The following PTPRO variants were observed in gnomAD, a reference collection of about 807,000 sequenced individuals.
PTPRO encodes the protein protein tyrosine phosphatase receptor type O, also known as receptor-type tyrosine-protein phosphatase O.
Under a neutral mutation model 145.2 loss-of-function variants are expected in PTPRO, and 62 were observed. The ratio of observed to expected loss-of-function variants is 0.43; its 90% confidence interval spans 0.35 to 0.53. PTPRO has a LOEUF of 0.53. PTPRO is among the 20% of genes least tolerant of loss of function. PTPRO has a pLI of 0.01. For synonymous variants in PTPRO, 565 were observed against 514.7 expected (o/e 1.10, Z -1.32); for missense variants, 1,345 against 1,482.7 (o/e 0.91, Z 1.53).
chr12:15,586,819 G>T, intron 23 of PTPRO, 78 bp from the exon 24 acceptor site: 1 of 1,552,188 alleles, frequency 6.4e-7, no homozygotes. Flanking sequence ...CTTTTTGCAT[G>T]CTTAACTAGC....
intron 1 of PTPRO, among the ~76,000 whole-genome samples, chr12:15,460,663 A>G (rs908080096): frequency 6.6e-5 from 10 of 152,192 alleles, no homozygotes; most frequent in African/African-American, 2.4e-4. Context: ...AAAGAGAAAA[A>G]TAAGTTGATT....
At chr12:15,448,287 C>T (rs1317387910) in intron 1 of PTPRO, among the ~76,000 whole-genome samples, 1 of 126,048 alleles carries the variant, frequency 7.9e-6, no homozygotes, top group Non-Finnish European at 1.6e-5. Context: ...CAAAAGAATC[C>T]ACCTGGCATT....
chr12:15,511,477 G>T (rs1942438919), intron 7 of PTPRO, among the ~76,000 whole-genome samples: 1 of 152,202 alleles, frequency 6.6e-6, no homozygotes, highest in African/African-American at 2.4e-5. Flanking sequence ...TAAGTAATAT[G>T]ATGTATATGC....
intron 1 of PTPRO, among the ~76,000 whole-genome samples, chr12:15,382,159 A>AAT (rs144742152): frequency 0.056 from 8,168 of 145,676 alleles, 560 homozygotes; most frequent in African/African-American, 0.17. Context: ...AAAAGTGAGA[A>AAT]ATATATATAT....
At chr12:15,370,712 T>G (rs1027587245) in intron 1 of PTPRO, among the ~76,000 whole-genome samples, 4 of 152,154 alleles carry the variant, frequency 2.6e-5, no homozygotes, top group Admixed American at 6.5e-5. Flanking sequence ...AAACAATTTG[T>G]TAAAAATCAA....
intron 1 of PTPRO, among the ~76,000 whole-genome samples, chr12:15,425,138 G>C (rs1435806843): frequency 6.6e-6 from 1 of 152,012 alleles, no homozygotes; most frequent in Non-Finnish European, 1.5e-5. Context: ...GTCATCCTTT[G>C]TCATTTTTGT....
intron 3 of PTPRO, among the ~76,000 whole-genome samples, chr12:15,498,733 A>G (rs1373174031): frequency 6.6e-6 from 1 of 152,244 alleles, no homozygotes; most frequent in Non-Finnish European, 1.5e-5. Flanking sequence ...ACATGCAAAT[A>G]TATTTATGAA....
chr12:15,443,148 A>G (rs1940815076), intron 1 of PTPRO, among the ~76,000 whole-genome samples: 1 of 152,206 alleles, frequency 6.6e-6, no homozygotes, highest in Non-Finnish European at 1.5e-5. Flanking sequence ...AACAGAATAG[A>G]GAACCCATAA....
chr12:15,592,021 C>T lies in PTPRO; in HGVS notation c.3546+2431C>T, dbSNP rs116918943. Among the ~76,000 whole-genome samples the T allele has an allele frequency of 5.8e-3, 879 of 152,296 alleles. 2 individuals are homozygous for T. Among genetic ancestry groups the T allele is most frequent in the Middle Eastern group, 0.02 (6 of 294 alleles). On this transcript the variant is annotated intron_variant, in intron 25 of 26. Transcript: ENST00000281171. Reference sequence around the variant, plus strand: ...TACTTACTTTTTCCAACTTTTCTAGCTTGACCCTTGATTCCCGCAGGACTT... The same window carrying T: ...TACTTACTTTTTCCAACTTTTCTAGTTTGACCCTTGATTCCCGCAGGACTT...
At chr12:15,506,949 T>C (rs768082941) in intron 6 of PTPRO, among the ~76,000 whole-genome samples, 1 of 152,128 alleles carries the variant, frequency 6.6e-6, no homozygotes, top group Non-Finnish European at 1.5e-5. Flanking sequence ...TATCTCCAAA[T>C]TTTTACTATT....
At chr12:15,354,540 C>A (rs755483711) in intron 1 of PTPRO, among the ~76,000 whole-genome samples, 2 of 152,104 alleles carry the variant, frequency 1.3e-5, no homozygotes, top group Non-Finnish European at 2.9e-5. Context: ...TTTTCAAAGA[C>A]CTCTTTTCCA....
At chr12:15,426,543 C>G (rs979807530) in intron 1 of PTPRO, among the ~76,000 whole-genome samples, 18 of 151,980 alleles carry the variant, frequency 1.2e-4, no homozygotes, top group African/African-American at 4.1e-4. Context: ...ATTTTTATTC[C>G]TAGACTAGTT....
At chr12:15,594,705 A>G (rs916509191) in intron 25 of PTPRO, among the ~76,000 whole-genome samples, 2 of 151,994 alleles carry the variant, frequency 1.3e-5, no homozygotes, top group African/African-American at 4.8e-5. Flanking sequence ...AAGTTAGGGG[A>G]AAAAAATTCC....
intron 25 of PTPRO, among the ~76,000 whole-genome samples, chr12:15,592,320 G>A (rs888161): frequency 0.95 from 145,147 of 152,264 alleles, 69,596 homozygotes; most frequent in East Asian, 1. Context: ...CTCCTTTGAC[G>A]CTAATGATTT....
At chr12:15,483,912 A>G in intron 1 of PTPRO, 62 bp from the exon 2 acceptor site, 1 of 1,531,914 alleles carries the variant, frequency 6.5e-7, no homozygotes, top group Non-Finnish European at 9.0e-7. Context: ...ATCTTAGCAT[A>G]ACTTTATTGC....
At chr12:15,431,104 G>A (rs1031486362) in intron 1 of PTPRO, among the ~76,000 whole-genome samples, 2 of 152,210 alleles carry the variant, frequency 1.3e-5, no homozygotes, top group Admixed American at 1.3e-4. Context: ...TAAAGCAAGG[G>A]TAGCATAGGG....
intron 12 of PTPRO, among the ~76,000 whole-genome samples, chr12:15,532,676 A>T (rs1942986433): frequency 6.6e-6 from 1 of 152,172 alleles, no homozygotes; most frequent in African/African-American, 2.4e-5. Flanking sequence ...CTTAAATTCT[A>T]CGAATGTGGA....
intron 1 of PTPRO, among the ~76,000 whole-genome samples, chr12:15,351,365 G>T (rs1044289281): frequency 6.6e-6 from 1 of 152,120 alleles, no homozygotes; most frequent in African/African-American, 2.4e-5. Flanking sequence ...AGTGATTTTA[G>T]TGGGGCTGTC....
At chr12:15,562,226 G>T (rs1273657286) in intron 17 of PTPRO, among the ~76,000 whole-genome samples, 1 of 152,000 alleles carries the variant, frequency 6.6e-6, no homozygotes, top group African/African-American at 2.4e-5. Flanking sequence ...CATGCTCCCC[G>T]CTCGTGGAAA....
Sources: gnomAD v4.1 joint callset for allele counts (sites outside exome capture counted in the v4.1 genomes callset) on GRCh38, gnomAD v4.1.1 for gene constraint, MANE v1.5 for transcripts, NCBI Gene and HGNC (gene_info 2026-07-23, HGNC 2026-07-21) for gene names.